The following SLC6A20 variants were observed in gnomAD, a reference collection of about 807,000 sequenced individuals.
SLC6A20 encodes sodium- and chloride-dependent transporter XTRP3.
Under a neutral mutation model 64.3 loss-of-function variants are expected in SLC6A20, and 73 were observed. The ratio of observed to expected loss-of-function variants is 1.14; its 90% CI spans 0.94 to 1.38. The LOEUF (loss-of-function observed/expected upper bound fraction) is 1.38, where lower values mean the gene tolerates loss of function less well. Ranked by LOEUF, SLC6A20 falls within the 40% of genes most tolerant of loss-of-function variation. The probability of loss-of-function intolerance (pLI) is 0.00; values close to 1 mark genes in which losing one functional copy is unlikely to be tolerated. For synonymous variants in SLC6A20, 347 were observed against 329.6 expected, an observed-to-expected ratio of 1.05 and a Z score of -0.57; for missense variants, 725 against 772.8, an observed-to-expected ratio of 0.94 and a Z score of 0.73.
chr3:45,764,442 C>T (rs998652324), intron 8 of SLC6A20, among the ~76,000 whole-genome samples: 1 of 152,196 alleles, frequency 6.6e-6, no homozygotes, highest in African/African-American at 2.4e-5. Flanking sequence ...ATGACTCATG[C>T]CTGTAATCCC....
intron 8 of SLC6A20, among the ~76,000 whole-genome samples, chr3:45,763,683 C>T (rs1328396329): frequency 6.6e-6 from 1 of 152,070 alleles, no homozygotes; most frequent in African/African-American, 2.4e-5. Context: ...ATGTCTAAGG[C>T]TCCCCCGACA....
At chr3:45,759,762 C>G (rs1255373638) in intron 10 of SLC6A20, 95 bp downstream of exon 10, 2 of 1,421,416 alleles carry the variant, frequency 1.4e-6, no homozygotes, top group African/African-American at 2.9e-5. Flanking sequence ...CCTACCCACA[C>G]CATGGAAATA....
At chr3:45,777,101 C>G (rs1408216238) in intron 3 of SLC6A20, among the ~76,000 whole-genome samples, 1 of 152,170 alleles carries the variant, frequency 6.6e-6, no homozygotes, top group East Asian at 1.9e-4. Context: ...TATCTGGGTT[C>G]TACAAGCCCA....
rs1291388070 is a variant in SLC6A20, at chr3:45,757,442, TTG to T, written c.*1534_*1535del. 6.6e-6 allele frequency: 1 copy of T among 152,260 alleles called. No individual in the cohort carries two copies. Among genetic ancestry groups the T allele is most frequent in the Non-Finnish European group, 1.5e-5 (1 of 68,106 alleles). The allele number at this position is 152,260 out of a possible 1,614,324, so 9.4% of individuals were successfully genotyped here. On this transcript the variant is annotated 3_prime_UTR_variant, in exon 11 of 11. Transcript: ENST00000358525. ...GGTCCCTGCAGCTTTCTGCTGTGCA[TTG>T]TGTCCCTGGTTAATCGAGAATGGAG...
intron 2 of SLC6A20, 100 bp downstream of exon 2, chr3:45,781,983 G>C: frequency 7.1e-7 from 1 of 1,416,226 alleles, no homozygotes; most frequent in East Asian, 2.6e-5. Context: ...TGGGCCTTGT[G>C]CTCGCCCCTT....
chr3:45,781,808 C>G (rs1220228944), intron 2 of SLC6A20, among the ~76,000 whole-genome samples: 1 of 152,096 alleles, frequency 6.6e-6, no homozygotes, highest in Non-Finnish European at 1.5e-5. Context: ...TTACAGGTGA[C>G]CAAGCTGAGG....
intron 3 of SLC6A20, among the ~76,000 whole-genome samples, chr3:45,779,267 A>G (rs1283126515): frequency 6.6e-6 from 1 of 152,206 alleles, no homozygotes; most frequent in Non-Finnish European, 1.5e-5. Flanking sequence ...GGTTCCTGAG[A>G]GTGAAACGGT....
Position 45,796,461 on chromosome 3 carries a change from GC to G in SLC6A20, c.-43del. ...CGCTCGGCTCCGGCTCGGGGGTCCG[GC>G]ACGGCAGTCTCAGTGCGCGGTCGCC... On this transcript the variant is annotated 5_prime_UTR_variant, in exon 1 of 11. Transcript: ENST00000358525. The G allele has an allele frequency of 6.3e-7, 1 of 1,589,008 alleles. No homozygotes were observed. Among genetic ancestry groups the G allele is most frequent in the Non-Finnish European group, 8.6e-7 (1 of 1,167,934 alleles).
chr3:45,770,303 T>C lies in SLC6A20; in HGVS notation c.1004A>G (p.Gln335Arg). The C allele has an allele frequency of 6.2e-7, 1 of 1,614,214 alleles. No individual in the cohort carries two copies. The highest frequency in any genetic ancestry group is 8.5e-7 in the Non-Finnish European group (1 of 1,180,042). The part of the protein sequence containing the change: ...DGFLTASNLE[Q>R]VKGYLASAYP... ...GGCAGATGCGAGGTAGCCCTTCACC[T>C]GCTCCAGGTTGCTGGCTGTCAAAAA... The change falls in exon 7 of 11, where the codon CAG (glutamine) becomes CGG (arginine). Residue 335 changes from glutamine to arginine, a missense_variant. Gln to Arg is a conservative substitution (Grantham distance 43). Coordinates refer to ENST00000358525, the MANE Select transcript of SLC6A20 (RefSeq NM_020208.4).
At position 45,758,838 on chromosome 3, in the gene SLC6A20, C is replaced by T; in HGVS notation, c.*140G>A. ...TTCTCCCAAGGGAGTTTTCTTCCTG[C>T]ACACCTTCCTCATCTTCTTTAGACA... On this transcript the variant is annotated 3_prime_UTR_variant, in exon 11 of 11. Transcript: ENST00000358525. 1 of 1,371,172 alleles carries T rather than the reference C, an allele frequency of 7.3e-7. No homozygotes were observed. Among genetic ancestry groups the T allele is most frequent in the Non-Finnish European group, 9.4e-7 (1 of 1,058,980 alleles). The allele number at this position is 1,371,172 out of a possible 1,614,324, so 84.9% of individuals were successfully genotyped here.
Position 45,765,834 on chromosome 3 carries a change from G to T in SLC6A20, c.1099-93C>A. 7.3e-7 allele frequency: 1 copy of T among 1,369,536 alleles called. No individual in the cohort carries two copies. Among genetic ancestry groups the T allele is most frequent in the Non-Finnish European group, 1.0e-6 (1 of 984,060 alleles). The allele number at this position is 1,369,536 out of a possible 1,614,324, so 84.8% of individuals were successfully genotyped here. A position where few individuals can be genotyped will look rare whatever the true frequency, so the allele number is the denominator to read the frequency against. On this transcript the variant is annotated intron_variant, in intron 7 of 10. Coordinates refer to ENST00000358525, the MANE Select transcript of SLC6A20 (RefSeq NM_020208.4). The surrounding 1 kb of genome is among the most constrained non-coding windows in gnomAD (Gnocchi z 4.2). ...CTAAGCAACATGGGGGACCTTGGAA[G>T]TGGCCATGAGAAGCCACATTGTGAG...
At position 45,758,565 on chromosome 3, in the gene SLC6A20, A is replaced by T; in HGVS notation, c.*413T>A. 8.9e-7 allele frequency: 1 copy of T among 1,129,028 alleles called. No homozygotes were observed. Among genetic ancestry groups the T allele is most frequent in the Non-Finnish European group, 1.1e-6 (1 of 911,576 alleles). 69.9% of individuals were successfully genotyped at this position (1,129,028 alleles called of 1,614,324 possible). The stretch of plus-strand genomic sequence containing the variant: ...AATAGGTCATCTTAGGCACTTCAAA[A>T]CTCCTTAAATGGATCTAAAAATATT... On this transcript the variant is annotated 3_prime_UTR_variant, in exon 11 of 11. Transcript: ENST00000358525.
Position 45,758,298 on chromosome 3 carries a change from T to C in SLC6A20, c.*680A>G, listed in dbSNP as rs951331811. ...AAGACACACACCACGGAGGGATGTC[T>C]GCACAGACTTCTAATGTGGTTTGGG... On this transcript the variant is annotated 3_prime_UTR_variant, in exon 11 of 11. Coordinates refer to ENST00000358525, the MANE Select transcript of SLC6A20 (RefSeq NM_020208.4). 2 of 499,312 alleles carry C rather than the reference T, an allele frequency of 4.0e-6. No homozygotes were observed. Among genetic ancestry groups the C allele is most frequent in the Non-Finnish European group, 6.5e-6 (2 of 305,984 alleles). 30.9% of individuals were successfully genotyped at this position (499,312 alleles called of 1,614,324 possible).
chr3:45,775,254 C>A (rs544725318), intron 4 of SLC6A20, among the ~76,000 whole-genome samples: 1 of 152,118 alleles, frequency 6.6e-6, no homozygotes, highest in Admixed American at 6.5e-5. Context: ...AATCACCTGG[C>A]GAGCTTTTAA....
chr3:45,781,998 C>G, intron 2 of SLC6A20, 85 bp downstream of exon 2: 1 of 1,451,584 alleles, frequency 6.9e-7, no homozygotes, highest in Non-Finnish European at 9.1e-7. Context: ...CCCCTTGATC[C>G]AGCAGCTTTG....
intron 1 of SLC6A20, among the ~76,000 whole-genome samples, chr3:45,788,617 AGGTCCATG>A (rs1700204770): frequency 6.6e-6 from 1 of 152,232 alleles, no homozygotes; most frequent in Non-Finnish European, 1.5e-5. Context: ...GTAATATTCT[AGGTCCATG>A]ATACCTAATA....
intron 1 of SLC6A20, among the ~76,000 whole-genome samples, chr3:45,794,216 T>C (rs1338192506): frequency 6.6e-6 from 1 of 152,004 alleles, no homozygotes; most frequent in African/African-American, 2.4e-5. Context: ...GTGTGAAGGG[T>C]TGAGGCACAG....
Position 45,791,986 on chromosome 3 carries a change from G to A in SLC6A20, c.121+4313C>T, listed in dbSNP as rs1218988536. ...GTGGAAGAAGTCACCTTTAATTTAGGGAGGAGGTTTCCTGGAGAGGATGAA... is the reference window on the plus strand; with the variant it reads ...GTGGAAGAAGTCACCTTTAATTTAGAGAGGAGGTTTCCTGGAGAGGATGAA... On this transcript the variant is annotated intron_variant, in intron 1 of 10. Transcript: ENST00000358525. Among the ~76,000 whole-genome samples the A allele has an allele frequency of 3.9e-5, 6 of 152,340 alleles. No individual in the cohort carries two copies. In the East Asian group the frequency reaches 9.6e-4, roughly 24 times the overall value.
chr3:45,769,473 T>TAA (rs57481801), intron 7 of SLC6A20, among the ~76,000 whole-genome samples: 9 of 145,222 alleles, frequency 6.2e-5, no homozygotes, highest in African/African-American at 2.0e-4. Flanking sequence ...TAGCAAAAAT[T>TAA]AAAAAAAAAA....
Sources: gnomAD v4.1 joint callset for allele counts (sites outside exome capture counted in the v4.1 genomes callset) on GRCh38, gnomAD v4.1.1 for gene constraint, Gnocchi (gnomAD v3.1) non-coding constraint, MANE v1.5 for transcripts, NCBI Gene and HGNC (gene_info 2026-07-23, HGNC 2026-07-21) for gene names.